The following ZFHX4 variants were observed in gnomAD, a reference collection of about 807,000 sequenced individuals.
ZFHX4 encodes the protein zinc finger homeobox 4.
ZFHX4 carries 56 observed loss-of-function variants against 267.6 expected under a neutral mutation model. The observed-to-expected ratio is 0.21, with a 90% CI of 0.17 to 0.26. The LOEUF (loss-of-function observed/expected upper bound fraction) is 0.26. Among genes scored for constraint, ZFHX4 ranks in the 10% least tolerant of loss-of-function variants. ZFHX4 has a pLI of 1.00. For synonymous variants in ZFHX4, 1,778 were observed against 1,665.6 expected (o/e 1.07, Z -1.64); for missense variants, 4,332 against 4,420.0 (o/e 0.98, Z 0.56).
At chr8:76,754,908 T>G (rs768277136) in intron 3 of ZFHX4, among the ~76,000 whole-genome samples, 3 of 152,168 alleles carry the variant, frequency 2.0e-5, no homozygotes, top group South Asian at 2.1e-4. Flanking sequence ...CATGTTTCTT[T>G]AGCTCCCACA....
At chr8:76,816,302 CA>C (rs1177431084) in intron 4 of ZFHX4, among the ~76,000 whole-genome samples, 1 of 152,188 alleles carries the variant, frequency 6.6e-6, no homozygotes, top group Non-Finnish European at 1.5e-5. Context: ...CTTGATAGAA[CA>C]TTTTTTTAAA....
intron 4 of ZFHX4, among the ~76,000 whole-genome samples, chr8:76,812,993 A>G (rs930248587): frequency 6.6e-6 from 1 of 152,196 alleles, no homozygotes; most frequent in African/African-American, 2.4e-5. Flanking sequence ...AGAATTACAT[A>G]CTATTGTGAT....
intron 4 of ZFHX4, among the ~76,000 whole-genome samples, chr8:76,789,088 G>T (rs917350781): frequency 1.3e-5 from 2 of 152,104 alleles, no homozygotes; most frequent in South Asian, 4.1e-4. Flanking sequence ...TTCCATTATT[G>T]CATGGCTGTT....
Position 76,851,568 on chromosome 8 carries a change from A to G in ZFHX4, c.4647A>G (p.Ser1549=). 4 of 1,613,950 alleles carry G rather than the reference A, an allele frequency of 2.5e-6. No individual in the cohort carries two copies. Among genetic ancestry groups the G allele is most frequent in the Non-Finnish European group, 3.4e-6 (4 of 1,179,870 alleles). Residue 1549 remains serine (S), a synonymous_variant, in exon 10 of 11, where the codon TCA becomes TCG. Transcript: ENST00000651372. The part of the protein sequence containing the change: ...RPYKCTVCKE[S]FTQKNILLVH... ...ATAAATGTACAGTGTGTAAAGAGTC[A>G]TTCACCCAAAAGAACATTCTCTTGG...
chr8:76,829,260 G>T (rs1411486544), intron 4 of ZFHX4, among the ~76,000 whole-genome samples: 1 of 121,394 alleles, frequency 8.2e-6, no homozygotes, highest in Non-Finnish European at 1.6e-5. Flanking sequence ...TTGCAAAATT[G>T]TTATCCCAAT....
chr8:76,717,426 C>T (rs909916565), intron 3 of ZFHX4, among the ~76,000 whole-genome samples: 7 of 152,058 alleles, frequency 4.6e-5, no homozygotes, highest in African/African-American at 1.4e-4. Flanking sequence ...GTACCTGATC[C>T]GGCAGAAAAT....
At chr8:76,811,256 T>C (rs570307363) in intron 4 of ZFHX4, among the ~76,000 whole-genome samples, 99 of 152,324 alleles carry the variant, frequency 6.5e-4, no homozygotes, top group African/African-American at 2.3e-3. Flanking sequence ...CCTGCTGGTA[T>C]TTTTACACAT....
chr8:76,839,515 AAT>A lies in ZFHX4; in HGVS notation c.3395-3137_3395-3136del, dbSNP rs1331543949. Reference sequence around the variant, plus strand: ...AACATATCATAAAGATTAATATAGAAATATTGTATTTTCTGTATTTCATGAGG... The same window carrying A: ...AACATATCATAAAGATTAATATAGAAATTGTATTTTCTGTATTTCATGAGG... On this transcript the variant is annotated intron_variant, in intron 5 of 10. Transcript: ENST00000651372. Among the ~76,000 whole-genome samples, 3 of 152,190 alleles carry A rather than the reference AAT, an allele frequency of 2.0e-5. No individual in the cohort carries two copies. The East Asian group carries it at 5.8e-4, about 29-fold the overall frequency.
chr8:76,705,973 G>T lies in ZFHX4; in HGVS notation c.1885G>T (p.Gly629Cys), dbSNP rs1425725559. 1.2e-6 allele frequency: 2 copies of T among 1,613,008 alleles called. No homozygotes were observed. Among genetic ancestry groups the T allele is most frequent in the East Asian group, 2.2e-5 (1 of 44,838 alleles). ...DTVLGSSRSLGGHMTMMHSRN... is the reference protein window; with the variant it reads ...DTVLGSSRSLCGHMTMMHSRN... ...TGTGTTGGGGTCTTCGAGGTCTCTTGGTGGTCATATGACTATGATGCACTC... is the reference window on the plus strand; with the variant it reads ...TGTGTTGGGGTCTTCGAGGTCTCTTTGTGGTCATATGACTATGATGCACTC... The change falls in exon 2 of 11, where the codon GGT becomes TGT. Residue 629 changes from glycine to cysteine, a missense_variant. Gly to Cys is a radical substitution (Grantham distance 159). This residue lies in a region of ZFHX4 where 1,195 missense variants were observed against 1,173.6 expected (regional missense o/e 1.02). Transcript: ENST00000651372.
intron 3 of ZFHX4, among the ~76,000 whole-genome samples, chr8:76,720,509 T>C (rs1808691363): frequency 2.0e-5 from 3 of 152,170 alleles, no homozygotes. Context: ...ATATGCTCTC[T>C]TTTCTCTTAG....
Position 76,863,291 on chromosome 8 carries a change from C to G in ZFHX4, c.9577C>G (p.Gln3193Glu). 3 of 1,612,478 alleles carry G rather than the reference C, an allele frequency of 1.9e-6. No individual in the cohort carries two copies. The highest frequency in any genetic ancestry group is 2.5e-6 in the Non-Finnish European group (3 of 1,179,398). Residue 3193 changes from glutamine to glutamate, a missense_variant, in exon 11 of 11, where the codon CAA becomes GAA. By Grantham distance (29) the Gln-to-Glu change is conservative (BLOSUM62 2). This residue lies in a region of ZFHX4 where 1,648 missense variants were observed against 1,625.0 expected (regional missense o/e 1.01). Coordinates refer to ENST00000651372, the MANE Select transcript of ZFHX4 (RefSeq NM_024721.5). ...ACAGAACAAAGAATCTGAGAAAAAGCAAACTAAGCCAAACAAGGTGAAAAA... is the reference window on the plus strand; with the variant it reads ...ACAGAACAAAGAATCTGAGAAAAAGGAAACTAAGCCAAACAAGGTGAAAAA... ...EQQNKESEKK[Q>E]TKPNKVKKIK...
At position 76,851,330 on chromosome 8, in the gene ZFHX4, G is replaced by T. The variant is rs772763644; in HGVS notation, c.4409G>T (p.Trp1470Leu). Reference sequence around the variant, plus strand: ...TCCTTGCCCGTGAATGGAGAACTGTGGGCAGAGAGCGAAACTATGTCCCAG... The same window carrying T: ...TCCTTGCCCGTGAATGGAGAACTGTTGGCAGAGAGCGAAACTATGTCCCAG... ...YASLPVNGEL[W>L]AESETMSQDD... The change falls in exon 10 of 11, where the codon TGG becomes TTG. Residue 1470 changes from tryptophan to leucine, a missense_variant. Physicochemically the swap from Trp to Leu is moderately conservative, Grantham distance 61 (BLOSUM62 -2). Transcript: ENST00000651372. 6.2e-7 allele frequency: 1 copy of T among 1,613,746 alleles called. No individual in the cohort carries two copies. Among genetic ancestry groups the T allele is most frequent in the Non-Finnish European group, 8.5e-7 (1 of 1,179,818 alleles).
At position 76,821,369 on chromosome 8, in the gene ZFHX4, C is replaced by T. The variant is rs149900928; in HGVS notation, c.3326-11969C>T. On this transcript the variant is annotated intron_variant, in intron 4 of 10. Coordinates refer to ENST00000651372, the MANE Select transcript of ZFHX4 (RefSeq NM_024721.5). ...TCATCTTCTTTTTCCTTTCTACCCACGTTCAGGAGGTGTTTGCACTCACAC... is the reference window on the plus strand; with the variant it reads ...TCATCTTCTTTTTCCTTTCTACCCATGTTCAGGAGGTGTTTGCACTCACAC... Among the ~76,000 whole-genome samples the T allele has an allele frequency of 3.9e-5, 6 of 152,230 alleles. No homozygotes were observed. The East Asian group carries it at 5.8e-4, about 15-fold the overall frequency.
intron 10 of ZFHX4, among the ~76,000 whole-genome samples, chr8:76,859,070 G>C (rs1421835209): frequency 6.6e-6 from 1 of 152,132 alleles, no homozygotes; most frequent in Non-Finnish European, 1.5e-5. Flanking sequence ...AAAATGTTCG[G>C]TTTTAGTATT....
At chr8:76,799,719 C>T (rs1358940606) in intron 4 of ZFHX4, among the ~76,000 whole-genome samples, 1 of 151,988 alleles carries the variant, frequency 6.6e-6, no homozygotes, top group African/African-American at 2.4e-5. Flanking sequence ...TAGAGTGTAC[C>T]ATTTCTATTT....
chr8:76,857,485 A>G (rs1812764346), intron 10 of ZFHX4, among the ~76,000 whole-genome samples: 1 of 151,930 alleles, frequency 6.6e-6, no homozygotes, highest in South Asian at 2.1e-4. Flanking sequence ...AAAAAAACAA[A>G]ATTGCCACTG....
In ZFHX4 at chr8:76,706,128, A is replaced by G; in HGVS notation, c.2040A>G (p.Gly680=). 1 of 1,613,804 alleles carries G rather than the reference A, an allele frequency of 6.2e-7. No homozygotes were observed. Among genetic ancestry groups the G allele is most frequent in the South Asian group, 1.1e-5 (1 of 91,058 alleles). The change falls in exon 2 of 11, where the codon GGA becomes GGG. Residue 680 remains glycine, a synonymous_variant. Transcript: ENST00000651372. ...PGGSCVYCKT[G]QPHPRLARGE... ...GCTCTTGTGTTTATTGTAAGACTGG[A>G]CAGCCTCACCCCAGGCTTGCCCGGG...
At chr8:76,774,659 A>T (rs907384008) in intron 3 of ZFHX4, among the ~76,000 whole-genome samples, 1 of 152,154 alleles carries the variant, frequency 6.6e-6, no homozygotes, top group African/African-American at 2.4e-5. Flanking sequence ...CATAAAAATT[A>T]GAATTGAAAT....
chr8:76,784,087 G>A (rs1016636692), intron 4 of ZFHX4, among the ~76,000 whole-genome samples: 20 of 151,740 alleles, frequency 1.3e-4, no homozygotes, highest in Non-Finnish European at 2.9e-5. Context: ...TTCTAGAACC[G>A]TTCTTTACCA....
Sources: allele counts gnomAD v4.1 joint callset (sites outside exome capture counted in the v4.1 genomes callset), GRCh38; gene constraint gnomAD v4.1.1; regional missense constraint gnomAD v4.1.1; transcripts MANE v1.5; gene names NCBI Gene and HGNC (gene_info 2026-07-23, HGNC 2026-07-21).